The following DPP6 variants were observed in gnomAD, a reference collection of about 807,000 sequenced individuals.
DPP6 encodes A-type potassium channel modulatory protein DPP6.
In DPP6, 69 loss-of-function variants were observed where a neutral mutation model predicts 122.6. That is an observed-to-expected ratio of 0.56 (90% CI 0.46 to 0.69). The LOEUF (loss-of-function observed/expected upper bound fraction) is 0.69. Among genes scored for constraint, DPP6 ranks in the 30% least tolerant of loss-of-function variants. DPP6 has a pLI of 0.00. For synonymous variants in DPP6, 418 were observed against 433.1 expected, an observed-to-expected ratio of 0.97 and a Z score of 0.43; for missense variants, 928 against 1,116.9, an observed-to-expected ratio of 0.83 and a Z score of 2.41.
chr7:153,788,148 G>A, the DPP6 span, among the ~76,000 whole-genome samples: 1 of 152,098 alleles, frequency 6.6e-6, no homozygotes, highest in Non-Finnish European at 1.5e-5. Flanking sequence ...CCTCAATATA[G>A]TCAATGACTG....
At chr7:154,651,002 A>G (rs1274625847) in intron 6 of DPP6, among the ~76,000 whole-genome samples, 1 of 152,164 alleles carries the variant, frequency 6.6e-6, no homozygotes, top group Non-Finnish European at 1.5e-5. Flanking sequence ...TCACCACACC[A>G]TTGCCCGAAG....
At chr7:154,177,221 C>T (rs766054253) in intron 1 of DPP6, among the ~76,000 whole-genome samples, 15 of 152,012 alleles carry the variant, frequency 9.9e-5, no homozygotes, top group African/African-American at 2.2e-4. Flanking sequence ...GTGCTGGCTA[C>T]GGATGCATAG....
intron 1 of DPP6, among the ~76,000 whole-genome samples, chr7:153,899,202 C>G (rs571573145): frequency 6.6e-6 from 1 of 151,586 alleles, no homozygotes; most frequent in African/African-American, 2.4e-5. Flanking sequence ...TTCTCCTCCT[C>G]CTCCTCCTCC....
chr7:153,790,156 T>C, the DPP6 span, among the ~76,000 whole-genome samples: 32 of 152,272 alleles, frequency 2.1e-4, 1 homozygote, highest in African/African-American at 7.2e-4. Flanking sequence ...GAAAATATGT[T>C]TGCTCTTAAA....
At chr7:154,791,263 A>C (rs1797661979) in intron 10 of DPP6, among the ~76,000 whole-genome samples, 1 of 151,224 alleles carries the variant, frequency 6.6e-6, no homozygotes, top group South Asian at 2.1e-4. Flanking sequence ...CAAAAAAATA[A>C]AAATAAAAAT....
intron 17 of DPP6, among the ~76,000 whole-genome samples, chr7:154,861,017 G>GA (rs1803346473): frequency 6.6e-6 from 1 of 152,198 alleles, no homozygotes; most frequent in Admixed American, 6.5e-5. Flanking sequence ...AAAAAATTTC[G>GA]AAAGCAGCCT....
At chr7:154,337,941 G>C (rs1809575342) in intron 1 of DPP6, among the ~76,000 whole-genome samples, 1 of 152,142 alleles carries the variant, frequency 6.6e-6, no homozygotes, top group South Asian at 2.1e-4. Flanking sequence ...TTCAGCTCTC[G>C]GCCCGTGTGG....
intron 16 of DPP6, among the ~76,000 whole-genome samples, chr7:154,845,916 A>T (rs571191221): frequency 8.5e-5 from 13 of 152,278 alleles, no homozygotes; most frequent in Non-Finnish European, 1.9e-4. Flanking sequence ...TGTGGCCTGC[A>T]GGGCCTCTGT....
chr7:153,939,159 G>A (rs987379209), intron 1 of DPP6, among the ~76,000 whole-genome samples: 2 of 152,188 alleles, frequency 1.3e-5, no homozygotes, highest in African/African-American at 4.8e-5. Context: ...GGTGCATTAA[G>A]ATCATCCATT....
the DPP6 span, among the ~76,000 whole-genome samples, chr7:153,830,945 A>G: frequency 6.6e-6 from 1 of 152,242 alleles, no homozygotes; most frequent in African/African-American, 2.4e-5. Context: ...CTTAGCGTCC[A>G]TACATATAAC....
At chr7:154,333,865 A>C (rs1809166970) in intron 1 of DPP6, among the ~76,000 whole-genome samples, 1 of 152,234 alleles carries the variant, frequency 6.6e-6, no homozygotes, top group African/African-American at 2.4e-5. Flanking sequence ...TCAGCCTTTT[A>C]AAAATGCTCA....
intron 17 of DPP6, among the ~76,000 whole-genome samples, chr7:154,864,116 C>T (rs953160331): frequency 6.6e-6 from 1 of 152,162 alleles, no homozygotes; most frequent in African/African-American, 2.4e-5. Context: ...AGGGAGATGC[C>T]GGAGAGACTT....
chr7:154,615,510 A>G (rs1187564805), intron 5 of DPP6, among the ~76,000 whole-genome samples: 2 of 152,242 alleles, frequency 1.3e-5, no homozygotes, highest in African/African-American at 2.4e-5. Context: ...ATGTATACAC[A>G]TAACGTTTAT....
At chr7:154,121,422 C>CA (rs1225102418) in intron 1 of DPP6, among the ~76,000 whole-genome samples, 2 of 152,108 alleles carry the variant, frequency 1.3e-5, no homozygotes, top group South Asian at 4.1e-4. Flanking sequence ...ATTTTCCTTC[C>CA]AATTACTGTT....
intron 8 of DPP6, among the ~76,000 whole-genome samples, chr7:154,767,312 G>A (rs1469379833): frequency 6.6e-6 from 1 of 152,118 alleles, no homozygotes; most frequent in Non-Finnish European, 1.5e-5. Flanking sequence ...TGGCCCTGCA[G>A]CGCAGACGTG....
intron 7 of DPP6, among the ~76,000 whole-genome samples, chr7:154,698,633 G>T (rs1438030508): frequency 6.6e-6 from 1 of 152,044 alleles, no homozygotes; most frequent in Non-Finnish European, 1.5e-5. Flanking sequence ...ATAGTAAATT[G>T]ATTTTCTGTA....
chr7:154,224,202 C>T (rs10272007), intron 1 of DPP6, among the ~76,000 whole-genome samples: 113,762 of 148,182 alleles, frequency 0.77, 45,735 homozygotes, highest in Non-Finnish European at 0.82. Flanking sequence ...TTAAGAGATA[C>T]TATGATGTAA....
intron 1 of DPP6, among the ~76,000 whole-genome samples, chr7:153,957,836 C>T (rs1424162009): frequency 1.3e-5 from 2 of 152,162 alleles, no homozygotes; most frequent in Admixed American, 1.3e-4. Context: ...TGGAGAGGAC[C>T]TATGACTCAC....
chr7:153,865,866 T>A, the DPP6 span, among the ~76,000 whole-genome samples: 1 of 141,882 alleles, frequency 7.0e-6, no homozygotes, highest in Non-Finnish European at 1.5e-5. Context: ...TGTGTTCTCA[T>A]TCTCCATTTC....
Sources: allele counts gnomAD v4.1 joint callset (sites outside exome capture counted in the v4.1 genomes callset), GRCh38; gene constraint gnomAD v4.1.1; transcripts MANE v1.5; gene names NCBI Gene and HGNC (gene_info 2026-07-23, HGNC 2026-07-21).